Variants in DNAH11 observed in about 807,000 individuals in gnomAD.
DNAH11 encodes axonemal beta dynein heavy chain 11.
DNAH11 carries 442 observed loss-of-function variants against 526.0 expected under a neutral mutation model. That is an observed-to-expected ratio of 0.84 (90% CI 0.78 to 0.91). The LOEUF (loss-of-function observed/expected upper bound fraction) is 0.91. DNAH11 is among the 40% of genes least tolerant of loss of function. The probability of loss-of-function intolerance (pLI) is 0.00; values close to 1 mark genes in which losing one functional copy is unlikely to be tolerated. For synonymous variants in DNAH11, 2,461 were observed against 1,935.9 expected (o/e 1.27, Z -7.12); for missense variants, 6,989 against 5,448.7 (o/e 1.28, Z -8.90).
rs1188836358 is a variant in DNAH11 at position 21,765,656 on chromosome 7, A to ACACACACG, written c.9102+70_9102+71insACACGCAC. The stretch of plus-strand genomic sequence containing the variant: ...CACACACACACACACACACACACAC[A>ACACACACG]CACTCTGAAAATCCTCAGTAGGTAA... On this transcript the variant is annotated intron_variant, in intron 55 of 81. Transcript: ENST00000409508. 24 of 1,230,224 alleles carry ACACACACG rather than the reference A, an allele frequency of 2.0e-5. 1 individual carries two copies. In the Middle Eastern group the frequency reaches 8.1e-4, roughly 42 times the overall value. 76.2% of individuals were successfully genotyped at this position (1,230,224 alleles called of 1,614,324 possible).
Position 21,763,209 on chromosome 7 carries a change from G to A in DNAH11, c.8941-2219G>A, listed in dbSNP as rs77803771. ...ATACAAAAATTAGCCTGGCGTGGTG[G>A]CAAGTGTCTGTAGTCCCAGCTACTC... On this transcript the variant is annotated intron_variant, in intron 54 of 81. Transcript: ENST00000409508. 1.5e-3 allele frequency among the ~76,000 whole-genome samples: 224 copies of A among 151,958 alleles called. 3 individuals carry two copies. The East Asian group carries it at 0.04, about 27-fold the overall frequency.
Position 21,543,387 on chromosome 7 carries a change from A to T in DNAH11, c.142A>T (p.Arg48Trp). 1.9e-6 allele frequency: 3 copies of T among 1,552,242 alleles called. No individual in the cohort carries two copies. The highest frequency in any genetic ancestry group is 2.6e-6 in the Non-Finnish European group (3 of 1,147,208). The change falls in exon 1 of 82, where the codon AGG becomes TGG. Residue 48 changes from arginine (R) to tryptophan (W), a missense_variant. Physicochemically the swap from Arg to Trp is moderately radical, Grantham distance 101 (BLOSUM62 -3). Transcript: ENST00000409508. ...EEENEEEAAA[R>W]RARSFAQDAR... ...GGAGAACGAGGAGGAGGCGGCGGCC[A>T]GGAGAGCGCGGAGTTTCGCCCAAGA...
Position 21,789,345 on chromosome 7 carries a change from G to A in DNAH11, c.10026+3G>A. The A allele has an allele frequency of 6.4e-7, 1 of 1,559,726 alleles. No individual in the cohort carries two copies. The highest frequency in any genetic ancestry group is 2.4e-5 in the East Asian group (1 of 41,930). On this transcript the variant is annotated splice_donor_region_variant and intron_variant, in intron 61 of 81. Coordinates refer to ENST00000409508, the MANE Select transcript of DNAH11 (RefSeq NM_001277115.2). ...AGGCTATCAGGAAAAAGCTTGTGGT[G>A]AGTGCAAACTATGACATTGAAAAGG...
At chr7:21,652,327 A>G (rs1361870893) in intron 28 of DNAH11, among the ~76,000 whole-genome samples, 2 of 152,236 alleles carry the variant, frequency 1.3e-5, no homozygotes, top group East Asian at 1.9e-4. Context: ...GAGAATTACA[A>G]TAAATTTCAT....
At chr7:21,604,621 G>A (rs1717145278) in intron 18 of DNAH11, among the ~76,000 whole-genome samples, 2 of 152,166 alleles carry the variant, frequency 1.3e-5, no homozygotes, top group Admixed American at 6.5e-5. Context: ...TCCTCCTTGA[G>A]TGGATCATCT....
Position 21,705,517 on chromosome 7 carries a change from G to T in DNAH11, c.6526G>T (p.Ala2176Ser), listed in dbSNP as rs1222161116. The change falls in exon 39 of 82, where the codon GCA (alanine) becomes TCA (serine). Residue 2176 changes from alanine (A) to serine (S), a missense_variant. Transcript: ENST00000409508. ...VRHSVFVVGN[A>S]GTGKSKILRT... ...GCACTCGGTCTTTGTAGTTGGAAAT[G>T]CAGGCACAGGAAAGAGTAAGGTATA... The T allele has an allele frequency of 6.2e-7, 1 of 1,613,650 alleles. No homozygotes were observed. The highest frequency in any genetic ancestry group is 2.2e-5 in the East Asian group (1 of 44,876).
chr7:21,681,823 A>G (rs1783152886), intron 31 of DNAH11, 146 bp downstream of exon 31: 6 of 1,056,298 alleles, frequency 5.7e-6, no homozygotes, highest in Non-Finnish European at 8.7e-6. Context: ...TCTTGGGTGC[A>G]TTTGATTTTG....
chr7:21,616,139 A>G, intron 21 of DNAH11, 70 bp from the exon 22 acceptor site: 1 of 1,125,498 alleles, frequency 8.9e-7, no homozygotes, highest in South Asian at 1.3e-5. Context: ...TCATCAGTTT[A>G]TATATTTTGC....
intron 37 of DNAH11, 111 bp from the exon 38 acceptor site, chr7:21,704,323 A>T: frequency 9.3e-7 from 1 of 1,074,004 alleles, no homozygotes; most frequent in South Asian, 1.6e-5. Context: ...GGAGAACAGT[A>T]CCAATATCTC....
chr7:21,765,614 AC>A (rs2128498211), intron 55 of DNAH11, 25 bp downstream of exon 55: 1 of 492,776 alleles, frequency 2.0e-6, no homozygotes, highest in South Asian at 5.3e-5. Context: ...CCTGCGTCAC[AC>A]ACACACACAC....
At chr7:21,717,715 G>A (rs1784718346) in intron 42 of DNAH11, 60 bp from the exon 43 acceptor site, 3 of 1,598,248 alleles carry the variant, frequency 1.9e-6, no homozygotes, top group African/African-American at 2.7e-5. Flanking sequence ...CTTTTGACTT[G>A]GTGAAATTCT....
intron 61 of DNAH11, among the ~76,000 whole-genome samples, chr7:21,791,492 T>C (rs1246849953): frequency 1.3e-5 from 2 of 152,170 alleles, no homozygotes; most frequent in African/African-American, 4.8e-5. Context: ...AGTGCATACA[T>C]TGCAAAGATA....
chr7:21,701,222 C>A (rs765282633), intron 36 of DNAH11, among the ~76,000 whole-genome samples: 1 of 151,838 alleles, frequency 6.6e-6, no homozygotes. Flanking sequence ...AAAAATAATT[C>A]TTCTATTGTG....
rs1344285852 is a variant in DNAH11, at chr7:21,590,927, G to T, written c.2179G>T (p.Val727Leu). 3.4e-6 allele frequency: 5 copies of T among 1,470,552 alleles called. No homozygotes were observed. The highest frequency in any genetic ancestry group is 4.5e-6 in the Non-Finnish European group (5 of 1,116,422). The allele number at this position is 1,470,552 out of a possible 1,614,324, so 91.1% of individuals were successfully genotyped here. A position where few individuals can be genotyped will look rare whatever the true frequency, so the allele number is the denominator to read the frequency against. ...CVNFDPKLVA[V>L]LREVKYLLML... ...AATTGTATTTTAATAGCTAGTGGCT[G>T]TATTGAGAGAAGTGAAATATCTTTT... The change falls in exon 13 of 82, where the codon GTA (valine) becomes TTA (leucine). Residue 727 changes from valine to leucine, a missense_variant. Transcript: ENST00000409508.
rs772501839 is a variant in DNAH11, at chr7:21,744,854, CTT to C, written c.8317-14_8317-13del. 6.3e-6 allele frequency: 10 copies of C among 1,593,114 alleles called. No individual in the cohort carries two copies. The highest frequency in any genetic ancestry group is 1.7e-4 in the Middle Eastern group (1 of 6,004). ...GATGGTTGACATGCCATATTTTTCT[CTT>C]TCTCATCCTGCAGGGTATAGATAGT... is the stretch of plus-strand genomic sequence containing the variant. On this transcript the variant is annotated splice_polypyrimidine_tract_variant and intron_variant, in intron 50 of 81. Transcript: ENST00000409508.
intron 2 of DNAH11, among the ~76,000 whole-genome samples, chr7:21,547,362 A>G (rs906297878): frequency 3.3e-5 from 5 of 152,220 alleles, no homozygotes; most frequent in African/African-American, 1.2e-4. Context: ...ATGGACTCGG[A>G]GACACGCAGT....
At position 21,659,478 on chromosome 7, in the gene DNAH11, C is replaced by A. The variant is rs147491837; in HGVS notation, c.5328+447C>A. ...TTTGAAAAATAATCTATTTTGAATT[C>A]TATTTTATTGATCCCAGTTATCCTG... On this transcript the variant is annotated intron_variant, in intron 30 of 81. Coordinates refer to ENST00000409508, the MANE Select transcript of DNAH11 (RefSeq NM_001277115.2). Among the ~76,000 whole-genome samples the A allele has an allele frequency of 1.7e-3, 254 of 151,968 alleles. 3 individuals carry two copies. Among genetic ancestry groups the A allele is most frequent in the African/African-American group, 5.7e-3 (237 of 41,462 alleles).
At chr7:21,561,538 G>T (rs556819673) in intron 5 of DNAH11, 1 of 163,274 alleles carries the variant, frequency 6.1e-6, no homozygotes, top group South Asian at 1.9e-4. Context: ...TTCTCTGAGT[G>T]TGCTTGGTAA....
chr7:21,630,585 C>T (rs992656557), intron 25 of DNAH11, among the ~76,000 whole-genome samples: 14 of 152,168 alleles, frequency 9.2e-5, no homozygotes, highest in Non-Finnish European at 2.1e-4. Context: ...GTTTGCTGGA[C>T]ACAGTATTCT....
Sources: allele counts gnomAD v4.1 joint callset (sites outside exome capture counted in the v4.1 genomes callset), GRCh38; gene constraint gnomAD v4.1.1; transcripts MANE v1.5; gene names NCBI Gene and HGNC (gene_info 2026-07-23, HGNC 2026-07-21).